TP63: variants seen among roughly 807,000 people sequenced by gnomAD.
TP63 encodes tumor protein 63.
In TP63, 17 loss-of-function variants were observed where a neutral mutation model predicts 82.8. The ratio of observed to expected loss-of-function variants is 0.21; its 90% CI spans 0.14 to 0.31. The LOEUF (loss-of-function observed/expected upper bound fraction) is 0.31. TP63 is among the 10% of genes least tolerant of loss of function. TP63 has a pLI of 1.00. For synonymous variants in TP63, 330 were observed against 321.7 expected, an observed-to-expected ratio of 1.03 and a Z score of -0.28; for missense variants, 648 against 895.3, an observed-to-expected ratio of 0.72 and a Z score of 3.52.
chr3:189,780,283 T>A (rs1724130445), intron 3 of TP63, among the ~76,000 whole-genome samples: 1 of 152,196 alleles, frequency 6.6e-6, no homozygotes, highest in Non-Finnish European at 1.5e-5. Context: ...AGGATACATA[T>A]CCTTAAGCTC....
rs1553859631 is a variant in TP63, at chr3:189,875,607, T to TATATATATAC, written c.1349+2621_1349+2622insCATATATATA. ...AAAAATACATACATATATATATATA[T>TATATATATAC]ATATATATATATATATATATATATA... On this transcript the variant is annotated intron_variant, in intron 10 of 13. Transcript: ENST00000264731. Among the ~76,000 whole-genome samples, 21 of 56,102 alleles carry TATATATATAC rather than the reference T, an allele frequency of 3.7e-4. 2 individuals are homozygous for TATATATATAC. Among genetic ancestry groups the TATATATATAC allele is most frequent in the African/African-American group, 1.2e-3 (20 of 16,606 alleles). The allele number at this position is 56,102 out of a possible 152,430, so 36.8% of individuals were successfully genotyped here.
intron 3 of TP63, among the ~76,000 whole-genome samples, chr3:189,781,037 A>C (rs900512615): frequency 6.6e-6 from 1 of 152,126 alleles, no homozygotes; most frequent in Non-Finnish European, 1.5e-5. Flanking sequence ...AAATCCGAGA[A>C]CGTCAGGCCC....
chr3:189,868,747 G>T, intron 8 of TP63, 31 bp downstream of exon 8: 3 of 1,613,614 alleles, frequency 1.9e-6, no homozygotes, highest in South Asian at 2.2e-5. Flanking sequence ...AATGGGGTAG[G>T]GTTGAATCTT....
At chr3:189,792,042 C>T (rs1336450039) in intron 3 of TP63, among the ~76,000 whole-genome samples, 1 of 152,028 alleles carries the variant, frequency 6.6e-6, no homozygotes, top group Non-Finnish European at 1.5e-5. Context: ...TCTTTGACTT[C>T]AAATAAATTT....
intron 4 of TP63, among the ~76,000 whole-genome samples, chr3:189,828,825 CTT>C (rs781657052): frequency 4.6e-5 from 7 of 152,170 alleles, no homozygotes; most frequent in Non-Finnish European, 8.8e-5. Context: ...GAAGTTAACA[CTT>C]TCGTCCTTTT....
chr3:189,846,254 A>G (rs996702596), intron 4 of TP63, among the ~76,000 whole-genome samples: 8 of 152,146 alleles, frequency 5.3e-5, no homozygotes, highest in African/African-American at 1.2e-4. Context: ...CGATATTCCA[A>G]ACTTCCTCCC....
intron 2 of TP63, among the ~76,000 whole-genome samples, chr3:189,738,369 A>G (rs1366568760): frequency 2.6e-5 from 4 of 152,222 alleles, no homozygotes; most frequent in African/African-American, 9.6e-5. Context: ...TCTATCACAG[A>G]TACATCCGTT....
intron 4 of TP63, among the ~76,000 whole-genome samples, chr3:189,832,471 A>G: frequency 6.6e-6 from 1 of 152,188 alleles, no homozygotes; most frequent in East Asian, 1.9e-4. Context: ...GCTAAACCTA[A>G]AAGTTACAAC....
At chr3:189,619,786 G>A in the TP63 span, among the ~76,000 whole-genome samples, 4 of 152,114 alleles carry the variant, frequency 2.6e-5, no homozygotes, top group African/African-American at 4.8e-5. Context: ...TGTTTTTCCA[G>A]ATCAACCTCA....
intron 1 of TP63, among the ~76,000 whole-genome samples, chr3:189,681,327 A>T (rs905992289): frequency 6.6e-6 from 1 of 152,122 alleles, no homozygotes; most frequent in African/African-American, 2.4e-5. Context: ...CTCCTATTTC[A>T]CTATTTTGCT....
chr3:189,638,431 C>T (rs2108613633), intron 1 of TP63, among the ~76,000 whole-genome samples: 1 of 152,124 alleles, frequency 6.6e-6, no homozygotes, highest in South Asian at 2.1e-4. Flanking sequence ...CAAGCTAGCC[C>T]GGGGACTGCA....
At chr3:189,601,859 T>G in the TP63 span, among the ~76,000 whole-genome samples, 5 of 152,180 alleles carry the variant, frequency 3.3e-5, no homozygotes, top group African/African-American at 9.7e-5. Context: ...AACTTCCAGC[T>G]TCCAATAAGA....
the TP63 span, among the ~76,000 whole-genome samples, chr3:189,609,625 A>G: frequency 6.6e-6 from 1 of 152,146 alleles, no homozygotes; most frequent in African/African-American, 2.4e-5. Context: ...AAGTGAGAAC[A>G]TGCAGTATTT....
At chr3:189,671,309 G>T (rs1714871645) in intron 1 of TP63, among the ~76,000 whole-genome samples, 1 of 151,986 alleles carries the variant, frequency 6.6e-6, no homozygotes, top group Admixed American at 6.6e-5. Context: ...AATCATCAGG[G>T]AAATGCAAAT....
At chr3:189,749,631 T>G (rs949049891) in intron 3 of TP63, among the ~76,000 whole-genome samples, 2 of 152,086 alleles carry the variant, frequency 1.3e-5, no homozygotes, top group Non-Finnish European at 2.9e-5. Flanking sequence ...AGTATGGAGA[T>G]TCCTCAAAAA....
intron 9 of TP63, 143 bp from the exon 10 acceptor site, chr3:189,872,716 A>G: frequency 7.8e-7 from 1 of 1,281,638 alleles, no homozygotes; most frequent in Non-Finnish European, 1.1e-6. Flanking sequence ...AAGGGCCAAG[A>G]GTGTTGATTT....
Position 189,684,430 on chromosome 3 carries a change from A to G in TP63, c.62+52853A>G, listed in dbSNP as rs1716243804. ...CAAAGTCAAAAAAGATAACAGAGGG[A>G]ATTTCAGAACAGGAGAATTGCATGT... On this transcript the variant is annotated intron_variant, in intron 1 of 13. Transcript: ENST00000264731. Among the ~76,000 whole-genome samples, 3 of 152,266 alleles carry G rather than the reference A, an allele frequency of 2.0e-5. No individual in the cohort carries two copies. In the South Asian group the frequency reaches 6.2e-4, roughly 32 times the overall value.
chr3:189,745,860 AAC>A (rs963716248), intron 3 of TP63, among the ~76,000 whole-genome samples: 5 of 152,022 alleles, frequency 3.3e-5, no homozygotes, highest in African/African-American at 7.2e-5. Flanking sequence ...TTTAAAAAAT[AAC>A]ACAGTTAGAT....
At chr3:189,717,646 T>A (rs1029682361) in intron 1 of TP63, among the ~76,000 whole-genome samples, 1 of 152,218 alleles carries the variant, frequency 6.6e-6, no homozygotes, top group Admixed American at 6.5e-5. Context: ...TTGGTCTCAT[T>A]AACCAAAAGT....
Sources: allele counts gnomAD v4.1 joint callset (sites outside exome capture counted in the v4.1 genomes callset), GRCh38; gene constraint gnomAD v4.1.1; transcripts MANE v1.5; gene names NCBI Gene and HGNC (gene_info 2026-07-23, HGNC 2026-07-21).